MACC1: variants seen among roughly 807,000 people sequenced by gnomAD.
MACC1 encodes the protein MET transcriptional regulator MACC1, also known as metastasis-associated in colon cancer protein 1.
A neutral mutation model predicts 70.7 loss-of-function variants in MACC1; 79 were observed. The ratio of observed to expected loss-of-function variants is 1.12; its 90% CI spans 0.93 to 1.35. The LOEUF (loss-of-function observed/expected upper bound fraction) is 1.35. Among genes scored for constraint, MACC1 ranks in the 40% most tolerant of loss-of-function variants. MACC1 has a pLI of 0.00. For missense variants in MACC1, 1,106 were observed against 978.1 expected, an observed-to-expected ratio of 1.13 and a Z score of -1.74; for synonymous variants, 361 against 347.2, an observed-to-expected ratio of 1.04 and a Z score of -0.44.
At chr7:20,165,014 C>A (rs996198595) in intron 2 of MACC1, among the ~76,000 whole-genome samples, 1 of 151,904 alleles carries the variant, frequency 6.6e-6, no homozygotes, top group African/African-American at 2.4e-5. Context: ...AAGTCCTCAA[C>A]CACATAAAAA....
chr7:20,141,218 T>G, intron 6 of MACC1, 60 bp from the exon 7 acceptor site: 1 of 1,223,168 alleles, frequency 8.2e-7, no homozygotes, highest in Non-Finnish European at 1.1e-6. Context: ...GAAAATCGTT[T>G]TTAAAAAAAA....
At chr7:20,195,901 A>C (rs1782744497) in intron 1 of MACC1, among the ~76,000 whole-genome samples, 1 of 152,172 alleles carries the variant, frequency 6.6e-6, no homozygotes, top group Non-Finnish European at 1.5e-5. Context: ...CCTGTTTATA[A>C]TTAGGTTGTC....
chr7:20,195,559 G>T (rs1382942554), intron 1 of MACC1, among the ~76,000 whole-genome samples: 2 of 152,144 alleles, frequency 1.3e-5, no homozygotes, highest in East Asian at 3.8e-4. Context: ...TGTTTACCTT[G>T]GGGTAAAGAT....
intron 1 of MACC1, among the ~76,000 whole-genome samples, chr7:20,178,220 A>C (rs2128105512): frequency 6.6e-6 from 1 of 152,096 alleles, no homozygotes. Flanking sequence ...CTTATTGAAA[A>C]ATTTCACACT....
intron 6 of MACC1, chr7:20,142,083 A>G (rs1781813901): frequency 6.6e-6 from 1 of 152,174 alleles, no homozygotes; most frequent in Non-Finnish European, 1.5e-5. Flanking sequence ...TCACTGAACT[A>G]ATTTGGTTGT....
chr7:20,213,433 C>T (rs1783026746), intron 1 of MACC1, among the ~76,000 whole-genome samples: 1 of 152,122 alleles, frequency 6.6e-6, no homozygotes, highest in African/African-American at 2.4e-5. Context: ...GGGTATATAA[C>T]CAAAGGAATA....
chr7:20,177,055 A>G (rs28610222), intron 1 of MACC1, among the ~76,000 whole-genome samples: 14,479 of 152,154 alleles, frequency 0.095, 874 homozygotes, highest in Middle Eastern at 0.16. Context: ...ATACATACAC[A>G]CCTTGTACAA....
chr7:20,202,988 T>C (rs1252676964), intron 1 of MACC1, among the ~76,000 whole-genome samples: 1 of 152,180 alleles, frequency 6.6e-6, no homozygotes, highest in Non-Finnish European at 1.5e-5. Context: ...TTAAAAGCAA[T>C]TGGTAAGATG....
chr7:20,169,086 A>T (rs1782263057), intron 2 of MACC1, among the ~76,000 whole-genome samples: 2 of 152,238 alleles, frequency 1.3e-5, no homozygotes, highest in Non-Finnish European at 2.9e-5. Context: ...ACAAGAGCAT[A>T]CATTTCCAAC....
intron 6 of MACC1, among the ~76,000 whole-genome samples, chr7:20,145,576 G>A (rs1407664332): frequency 6.6e-6 from 1 of 152,138 alleles, no homozygotes; most frequent in Non-Finnish European, 1.5e-5. Flanking sequence ...TTCTATGATG[G>A]CAAGGGGATT....
chr7:20,184,547 T>G (rs185045657), intron 1 of MACC1, among the ~76,000 whole-genome samples: 47 of 152,362 alleles, frequency 3.1e-4, no homozygotes, highest in Non-Finnish European at 5.6e-4. Context: ...TGTTATAAAT[T>G]TTCAACCTAT....
chr7:20,202,103 C>T (rs1782841879), intron 1 of MACC1, among the ~76,000 whole-genome samples: 1 of 152,190 alleles, frequency 6.6e-6, no homozygotes, highest in African/African-American at 2.4e-5. Context: ...TGAGTCTGGT[C>T]TCAAAACCAT....
intron 6 of MACC1, among the ~76,000 whole-genome samples, chr7:20,147,996 T>C (rs1013848416): frequency 1.3e-5 from 2 of 152,198 alleles, no homozygotes; most frequent in Non-Finnish European, 2.9e-5. Context: ...TTGGGCTCCT[T>C]CAATTTAATT....
intron 5 of MACC1, among the ~76,000 whole-genome samples, chr7:20,154,960 A>G (rs1782034233): frequency 6.6e-6 from 1 of 151,454 alleles, no homozygotes; most frequent in Admixed American, 6.6e-5. Flanking sequence ...ATAAGTTTAA[A>G]ATATATATAT....
At chr7:20,152,758 A>T (rs148959573) in intron 6 of MACC1, among the ~76,000 whole-genome samples, 32 of 152,304 alleles carry the variant, frequency 2.1e-4, no homozygotes, top group African/African-American at 7.7e-4. Context: ...ACAAACTATA[A>T]ACAACCACAA....
At chr7:20,202,039 A>G (rs915181880) in intron 1 of MACC1, among the ~76,000 whole-genome samples, 1 of 152,168 alleles carries the variant, frequency 6.6e-6, no homozygotes, top group Non-Finnish European at 1.5e-5. Flanking sequence ...TTTATTATGA[A>G]TTTTATTTAT....
At chr7:20,185,762 G>A (rs1782577776) in intron 1 of MACC1, among the ~76,000 whole-genome samples, 1 of 152,190 alleles carries the variant, frequency 6.6e-6, no homozygotes, top group Non-Finnish European at 1.5e-5. Context: ...GTCATGCTTT[G>A]TGCAGGCAGG....
At chr7:20,148,013 T>C (rs118124345) in intron 6 of MACC1, among the ~76,000 whole-genome samples, 2,056 of 152,304 alleles carry the variant, frequency 0.013, 46 homozygotes, top group Admixed American at 0.04. Flanking sequence ...AATTTTTCAA[T>C]GTAAACATTA....
intron 3 of MACC1, among the ~76,000 whole-genome samples, chr7:20,163,544 T>TAA (rs1167402773): frequency 1.3e-5 from 2 of 152,206 alleles, no homozygotes; most frequent in Non-Finnish European, 2.9e-5. Context: ...AGTGGATAAA[T>TAA]AAATTGTGGC....
Sources: gnomAD v4.1 joint callset for allele counts (sites outside exome capture counted in the v4.1 genomes callset) on GRCh38, gnomAD v4.1.1 for gene constraint, MANE v1.5 for transcripts, NCBI Gene and HGNC (gene_info 2026-07-23, HGNC 2026-07-21) for gene names.